Variants in SLC9A1 observed in about 807,000 individuals in gnomAD.
The protein encoded by SLC9A1 is sodium/hydrogen exchanger 1.
SLC9A1 carries 22 observed loss-of-function variants against 67.9 expected under a neutral mutation model. The ratio of observed to expected loss-of-function variants is 0.32; its 90% confidence interval spans 0.23 to 0.46. The LOEUF is 0.46. Among genes scored for constraint, SLC9A1 ranks in the 20% least tolerant of loss-of-function variants. The pLI, the probability that SLC9A1 is intolerant of heterozygous loss-of-function variation, is 1.00. For synonymous variants in SLC9A1, 421 were observed against 471.8 expected (o/e 0.89, Z 1.40); for missense variants, 686 against 1,094.8 (o/e 0.63, Z 5.27).
At chr1:27,123,753 C>T (rs1196010325) in intron 1 of SLC9A1, among the ~76,000 whole-genome samples, 1 of 152,082 alleles carries the variant, frequency 6.6e-6, no homozygotes, top group Admixed American at 6.6e-5. Context: ...TCAGCTGATC[C>T]ACCTGCCTTG....
intron 2 of SLC9A1, among the ~76,000 whole-genome samples, chr1:27,112,614 T>C (rs2083235834): frequency 6.6e-6 from 1 of 152,354 alleles, no homozygotes; most frequent in South Asian, 2.1e-4. Context: ...CTGGGCGCAG[T>C]GGCTCATGCC....
intron 1 of SLC9A1, among the ~76,000 whole-genome samples, chr1:27,132,726 C>A (rs1317521935): frequency 3.9e-5 from 6 of 152,310 alleles, no homozygotes; most frequent in South Asian, 2.1e-4. Context: ...ACTCCATGAC[C>A]TCATCCTGAA....
In SLC9A1 at chr1:27,101,927, C is replaced by T; in HGVS notation, c.1935+89G>A. On this transcript the variant is annotated intron_variant, in intron 9 of 11. Coordinates refer to ENST00000263980, the MANE Select transcript of SLC9A1 (RefSeq NM_003047.5). The surrounding 1 kb of genome is among the most constrained non-coding windows in gnomAD (Gnocchi z 4.9). ...GGCCGGGCCAGTCCTGGGGTGGGTGCCGAGGGGCACGGGCAGGGCAGGGCT... is the reference window on the plus strand; with the variant it reads ...GGCCGGGCCAGTCCTGGGGTGGGTGTCGAGGGGCACGGGCAGGGCAGGGCT... 7.0e-7 allele frequency: 1 copy of T among 1,419,488 alleles called. No homozygotes were observed. The highest frequency in any genetic ancestry group is 9.9e-7 in the Non-Finnish European group (1 of 1,008,390). The allele number at this position is 1,419,488 out of a possible 1,614,324, so 87.9% of individuals were successfully genotyped here. A position where few individuals can be genotyped will look rare whatever the true frequency, so the allele number is the denominator to read the frequency against.
chr1:27,152,763 G>A (rs902990128), intron 1 of SLC9A1, among the ~76,000 whole-genome samples: 3 of 152,098 alleles, frequency 2.0e-5, no homozygotes, highest in Non-Finnish European at 2.9e-5. Flanking sequence ...CAAATTAGAG[G>A]CACCACTTCC....
intron 1 of SLC9A1, 134 bp downstream of exon 1, chr1:27,153,849 T>C (rs924551376): frequency 6.5e-6 from 4 of 615,154 alleles, no homozygotes; most frequent in Non-Finnish European, 1.1e-5. Flanking sequence ...AGGACCAAGG[T>C]GGCAGGATGG....
At chr1:27,129,737 G>T (rs1354387237) in intron 1 of SLC9A1, among the ~76,000 whole-genome samples, 1 of 152,100 alleles carries the variant, frequency 6.6e-6, no homozygotes, top group African/African-American at 2.4e-5. Context: ...TCCAAAACTG[G>T]TCCTTGCTTG....
intron 1 of SLC9A1, among the ~76,000 whole-genome samples, chr1:27,132,110 C>G (rs1440336995): frequency 6.6e-6 from 1 of 151,650 alleles, no homozygotes; most frequent in East Asian, 1.9e-4. Flanking sequence ...AAGCAGGACT[C>G]AAGCCCAGAA....
At position 27,109,494 on chromosome 1, in the gene SLC9A1, G is replaced by A. The variant is rs750890124; in HGVS notation, c.1064+33C>T. 5 of 1,160,438 alleles carry A rather than the reference G, an allele frequency of 4.3e-6. No homozygotes were observed. Among genetic ancestry groups the A allele is most frequent in the African/African-American group, 1.6e-5 (1 of 61,180 alleles). 71.9% of individuals were successfully genotyped at this position (1,160,438 alleles called of 1,614,324 possible). A position where few individuals can be genotyped will look rare whatever the true frequency, so the allele number is the denominator to read the frequency against. ...AGCTGGCAGCCCCCGCCCCCACCCC[G>A]CCAAGCCCACTGCCTGCTGCACGCA... On this transcript the variant is annotated intron_variant, in intron 3 of 11. Coordinates refer to ENST00000263980, the MANE Select transcript of SLC9A1 (RefSeq NM_003047.5). The surrounding 1 kb of genome is among the most constrained non-coding windows in gnomAD (Gnocchi z 5.5).
rs1462992694 is a variant in SLC9A1, at chr1:27,137,536, G to A, written c.352+16447C>T. On this transcript the variant is annotated intron_variant, in intron 1 of 11. Coordinates refer to ENST00000263980, the MANE Select transcript of SLC9A1 (RefSeq NM_003047.5). This position sits in a 1 kb window ranked among gnomAD's most constrained non-coding sequence, Gnocchi z 4.6. ...TTGCAAGTGGGGGAGGGGGGTTTCAGTCCTGGTCTTTTGATTCCCTAACCC... is the reference window on the plus strand; with the variant it reads ...TTGCAAGTGGGGGAGGGGGGTTTCAATCCTGGTCTTTTGATTCCCTAACCC... Among the ~76,000 whole-genome samples, 1 of 152,156 alleles carries A rather than the reference G, an allele frequency of 6.6e-6. No homozygotes were observed. Among genetic ancestry groups the A allele is most frequent in the Non-Finnish European group, 1.5e-5 (1 of 68,008 alleles).
Position 27,114,231 on chromosome 1 carries a change from G to T in SLC9A1, c.408C>A (p.Ile136=). 1 of 1,613,970 alleles carries T rather than the reference G, an allele frequency of 6.2e-7. No individual in the cohort carries two copies. Among genetic ancestry groups the T allele is most frequent in the Non-Finnish European group, 8.5e-7 (1 of 1,179,858 alleles). ...GGCCCCCCACCAGCAGCCCCACCAC[G>T]ATCAGCAGGCAGCTCTCCGGGACGA... ...SSIVPESCLL[I]VVGLLVGGLI... The change falls in exon 2 of 12, where the codon ATC becomes ATA. Residue 136 remains isoleucine, a synonymous_variant. Coordinates refer to ENST00000263980, the MANE Select transcript of SLC9A1 (RefSeq NM_003047.5). This position sits in a 1 kb window ranked among gnomAD's most constrained non-coding sequence, Gnocchi z 5.4.
chr1:27,131,947 A>AAAAATAT lies in SLC9A1; in HGVS notation c.353-17662_353-17661insATATTTT. 1.5e-3 allele frequency among the ~76,000 whole-genome samples: 77 copies of AAAAATAT among 52,102 alleles called. 1 individual carries two copies. The highest frequency in any genetic ancestry group is 2.5e-3 in the Non-Finnish European group (64 of 26,066). 34.2% of individuals were successfully genotyped at this position (52,102 alleles called of 152,430 possible). A position where few individuals can be genotyped will look rare whatever the true frequency, so the allele number is the denominator to read the frequency against. On this transcript the variant is annotated intron_variant, in intron 1 of 11. Coordinates refer to ENST00000263980, the MANE Select transcript of SLC9A1 (RefSeq NM_003047.5). ...AAAAGAAGAAGAAGAAGAAAAAAAA[A>AAAAATAT]ATATATATATATATATATATATATA... is the stretch of plus-strand genomic sequence containing the variant.
chr1:27,106,234 A>G lies in SLC9A1; in HGVS notation c.1283-147T>C. 3 of 636,418 alleles carry G rather than the reference A, an allele frequency of 4.7e-6. No individual in the cohort carries two copies. Among genetic ancestry groups the G allele is most frequent in the Non-Finnish European group, 8.4e-6 (3 of 355,250 alleles). The allele number at this position is 636,418 out of a possible 1,614,324, so 39.4% of individuals were successfully genotyped here. ...ACTCAATTCCTGGGTCCCTCAGCCC[A>G]GAGTGCTCTGAACTCCTCAATCCAA... On this transcript the variant is annotated intron_variant, in intron 4 of 11. Transcript: ENST00000263980. This position sits in a 1 kb window ranked among gnomAD's most constrained non-coding sequence, Gnocchi z 4.3.
intron 1 of SLC9A1, among the ~76,000 whole-genome samples, chr1:27,121,614 G>A (rs189451784): frequency 6.6e-6 from 1 of 152,246 alleles, no homozygotes; most frequent in East Asian, 1.9e-4. Context: ...TCCGGAGGCA[G>A]GCATGTTGTG....
Position 27,107,875 on chromosome 1 carries a change from G to A in SLC9A1, c.1065-10C>T, listed in dbSNP as rs774312947. On this transcript the variant is annotated splice_polypyrimidine_tract_variant and intron_variant, in intron 3 of 11. Transcript: ENST00000263980. ...TCCTGAGGCTATGAGCCTGGAGCAG[G>A]AAAGAGCGGGGTCAGGGCTCCGTGT... 6.3e-7 allele frequency: 1 copy of A among 1,580,564 alleles called. No homozygotes were observed. The highest frequency in any genetic ancestry group is 8.6e-7 in the Non-Finnish European group (1 of 1,161,356).
At chr1:27,112,836 C>T (rs942629290) in intron 2 of SLC9A1, among the ~76,000 whole-genome samples, 3 of 142,510 alleles carry the variant, frequency 2.1e-5, no homozygotes, top group Admixed American at 7.6e-5. Flanking sequence ...GTGAGCTGAG[C>T]TTGCGTCACT....
intron 1 of SLC9A1, among the ~76,000 whole-genome samples, chr1:27,133,782 T>G (rs11805749): frequency 0.022 from 3,378 of 151,236 alleles, 125 homozygotes; most frequent in African/African-American, 0.076. Flanking sequence ...TTTTTTTTTT[T>G]GGGACAGAAT....
Position 27,105,980 on chromosome 1 carries a change from A to T in SLC9A1, c.1390T>A (p.Ser464Thr). The T allele has an allele frequency of 6.2e-7, 1 of 1,613,700 alleles. No individual in the cohort carries two copies. The highest frequency in any genetic ancestry group is 8.5e-7 in the Non-Finnish European group (1 of 1,179,976). ...TTCTTGTCCAGGAGGTAGCCCAGAG[A>T]GAAGGCGATGGCCCCTCGCAGGCCC... ...YGGLRGAIAF[S>T]LGYLLDKKHF... The change falls in exon 5 of 12, where the codon TCT becomes ACT. Residue 464 changes from serine (S) to threonine (T), a missense_variant. Coordinates refer to ENST00000263980, the MANE Select transcript of SLC9A1 (RefSeq NM_003047.5).
chr1:27,105,759 A>AC (rs1428659269), intron 5 of SLC9A1, 126 bp downstream of exon 5: 1 of 841,480 alleles, frequency 1.2e-6, no homozygotes, highest in Admixed American at 2.0e-5. Flanking sequence ...GCCCAAGGTC[A>AC]CACAGCAAGT....
chr1:27,101,235 G>T lies in SLC9A1; in HGVS notation c.2078C>A (p.Ser693Ter). ...YLTVPAHKLD[S>*]PTMSRARIGS... is the part of the protein sequence containing the mutation. Reference sequence around the variant, plus strand: ...GATGCGGGCCCGAGACATGGTGGGTGAGTCCAGCTTGTGGGCTGGCACCGT... The same window carrying T: ...GATGCGGGCCCGAGACATGGTGGGTTAGTCCAGCTTGTGGGCTGGCACCGT... Residue 693 changes from serine (S) to a stop codon, truncating the protein, a stop_gained, in exon 11 of 12, where the codon TCA becomes TAA. Transcript: ENST00000263980. LOFTEE classifies it high-confidence loss of function. The surrounding 1 kb of genome is among the most constrained non-coding windows in gnomAD (Gnocchi z 4.9). 6.2e-7 allele frequency: 1 copy of T among 1,612,108 alleles called. No homozygotes were observed. The highest frequency in any genetic ancestry group is 1.1e-5 in the South Asian group (1 of 91,072).
Sources: allele counts gnomAD v4.1 joint callset (sites outside exome capture counted in the v4.1 genomes callset), GRCh38; gene constraint gnomAD v4.1.1; non-coding constraint Gnocchi (gnomAD v3.1); transcripts MANE v1.5; gene names NCBI Gene and HGNC (gene_info 2026-07-23, HGNC 2026-07-21).